The following NUBPL variants were observed in gnomAD, a reference collection of about 807,000 sequenced individuals.
NUBPL encodes NUBP iron-sulfur cluster assembly factor, mitochondrial.
A neutral mutation model predicts 45.7 loss-of-function variants in NUBPL; 31 were observed. The ratio of observed to expected loss-of-function variants is 0.68; its 90% confidence interval spans 0.51 to 0.92. The LOEUF (loss-of-function observed/expected upper bound fraction) is 0.92, where lower values mean the gene tolerates loss of function less well. NUBPL is among the 40% of genes least tolerant of loss of function. NUBPL has a pLI of 0.00. For synonymous variants in NUBPL, 144 were observed against 140.9 expected (o/e 1.02, Z -0.15); for missense variants, 401 against 398.7 (o/e 1.01, Z -0.05).
chr14:31,760,773 T>C (rs1392911544), intron 6 of NUBPL, among the ~76,000 whole-genome samples: 1 of 148,062 alleles, frequency 6.8e-6, no homozygotes, highest in Non-Finnish European at 1.5e-5. Context: ...GATTAAAAAA[T>C]TACAGTTTAC....
At chr14:31,813,660 A>G (rs1417508272) in intron 7 of NUBPL, among the ~76,000 whole-genome samples, 1 of 151,998 alleles carries the variant, frequency 6.6e-6, no homozygotes, top group Non-Finnish European at 1.5e-5. Flanking sequence ...TACATTAGGT[A>G]TTTCTCCTAA....
At chr14:31,777,162 G>A (rs557888834) in intron 6 of NUBPL, among the ~76,000 whole-genome samples, 2 of 152,276 alleles carry the variant, frequency 1.3e-5, no homozygotes, top group Admixed American at 6.5e-5. Context: ...TGTATAACTT[G>A]TAGTCAGCAA....
intron 6 of NUBPL, among the ~76,000 whole-genome samples, chr14:31,688,716 G>T (rs7146010): frequency 0.23 from 33,891 of 144,840 alleles, 8,485 homozygotes; most frequent in African/African-American, 0.65. Flanking sequence ...TGTTATATAG[G>T]TAAACTCATT....
chr14:31,593,906 GA>G (rs1033923268), intron 3 of NUBPL, among the ~76,000 whole-genome samples: 1 of 152,148 alleles, frequency 6.6e-6, no homozygotes, highest in Non-Finnish European at 1.5e-5. Context: ...GAATAGATTA[GA>G]AAAGGGGAGA....
intron 6 of NUBPL, among the ~76,000 whole-genome samples, chr14:31,763,674 A>C (rs944532792): frequency 2.0e-5 from 3 of 152,198 alleles, no homozygotes; most frequent in African/African-American, 7.2e-5. Context: ...TTGTTTTCTG[A>C]TGAAAAGTAG....
rs538184344 is a variant in NUBPL at position 31,561,455 on chromosome 14, C to T, written c.16C>T (p.Arg6Cys). 12 of 1,417,732 alleles carry T rather than the reference C, an allele frequency of 8.5e-6. No homozygotes were observed. In the Admixed American group the frequency reaches 2.6e-4, roughly 30 times the overall value. The allele number at this position is 1,417,732 out of a possible 1,614,324, so 87.8% of individuals were successfully genotyped here. The change falls in exon 1 of 11, where the codon CGT (arginine) becomes TGT (cysteine). Residue 6 changes from arginine to cysteine, a missense_variant. By Grantham distance (180) the Arg-to-Cys change is radical (BLOSUM62 -3). Transcript: ENST00000281081. MGIWQ[R>C]LLLFGGVSLR... is the part of the protein sequence containing the mutation. ...GTTCCGCGTCATGGGGATTTGGCAG[C>T]GTCTGCTGCTTTTTGGTGGGGTGTC...
intron 3 of NUBPL, among the ~76,000 whole-genome samples, chr14:31,591,363 T>C (rs545058228): frequency 2.2e-4 from 34 of 152,238 alleles, no homozygotes; most frequent in African/African-American, 7.9e-4. Context: ...GGTTTCACCA[T>C]GTTGGCCAGG....
chr14:31,846,271 G>A (rs187745963), intron 8 of NUBPL, 200 bp from the exon 9 acceptor site: 2 of 545,214 alleles, frequency 3.7e-6, no homozygotes, highest in Non-Finnish European at 6.6e-6. Context: ...CATTTATTAT[G>A]ATATCAAAGG....
At chr14:31,676,834 A>G (rs1282483308) in intron 6 of NUBPL, among the ~76,000 whole-genome samples, 2 of 151,646 alleles carry the variant, frequency 1.3e-5, no homozygotes, top group East Asian at 3.8e-4. Context: ...CCATGAGTCC[A>G]TTGTCAGGTA....
chr14:31,588,433 T>G lies in NUBPL; in HGVS notation c.292-10856T>G, dbSNP rs146887422. Among the ~76,000 whole-genome samples the G allele has an allele frequency of 2.1e-3, 322 of 151,886 alleles. 1 individual carries two copies. Among genetic ancestry groups the G allele is most frequent in the Middle Eastern group, 0.014 (4 of 294 alleles). ...TCTCTCTCTCTTTTTTTTTTGGTCT[T>G]AAAATGTCTTTATTGTATTTTAAAA... On this transcript the variant is annotated intron_variant, in intron 3 of 10. Coordinates refer to ENST00000281081, the MANE Select transcript of NUBPL (RefSeq NM_025152.3).
chr14:31,835,805 A>T (rs2040272669), intron 8 of NUBPL, among the ~76,000 whole-genome samples: 1 of 152,070 alleles, frequency 6.6e-6, no homozygotes. Context: ...TTCAAGGAGT[A>T]TACCAAAAAC....
At position 31,780,602 on chromosome 14, in the gene NUBPL, A is replaced by G. The variant is rs559131934; in HGVS notation, c.514-7178A>G. Reference sequence around the variant, plus strand: ...CAATTAAGTTATGACTTAACGATTAAGACTTAAAAATAAAGTCTTAACAAT... The same window carrying G: ...CAATTAAGTTATGACTTAACGATTAGGACTTAAAAATAAAGTCTTAACAAT... On this transcript the variant is annotated intron_variant, in intron 6 of 10. Transcript: ENST00000281081. 8.5e-5 allele frequency among the ~76,000 whole-genome samples: 13 copies of G among 152,334 alleles called. No homozygotes were observed. The South Asian group carries it at 2.7e-3, about 32-fold the overall frequency.
chr14:31,561,938 A>G (rs761183827), intron 1 of NUBPL, 130 bp from the exon 2 acceptor site: 11 of 858,736 alleles, frequency 1.3e-5, no homozygotes, highest in Non-Finnish European at 1.7e-5. Flanking sequence ...AAATGTCTCC[A>G]TAGTGAAGAT....
At chr14:31,690,665 T>C (rs2037073229) in intron 6 of NUBPL, among the ~76,000 whole-genome samples, 1 of 152,206 alleles carries the variant, frequency 6.6e-6, no homozygotes, top group African/African-American at 2.4e-5. Flanking sequence ...GGAGAAAAGC[T>C]GTGTCCAAAT....
intron 6 of NUBPL, among the ~76,000 whole-genome samples, chr14:31,728,954 C>G (rs2037985677): frequency 6.6e-6 from 1 of 152,034 alleles, no homozygotes; most frequent in Non-Finnish European, 1.5e-5. Context: ...GTTTAAGCAC[C>G]TGAAATTGAA....
chr14:31,770,862 G>A (rs568473025), intron 6 of NUBPL, among the ~76,000 whole-genome samples: 8 of 152,132 alleles, frequency 5.3e-5, no homozygotes, highest in South Asian at 2.1e-4. Flanking sequence ...TTGCCAAGGC[G>A]GTTTCAGTAC....
chr14:31,691,716 A>G (rs1317269727), intron 6 of NUBPL, among the ~76,000 whole-genome samples: 1 of 152,204 alleles, frequency 6.6e-6, no homozygotes, highest in African/African-American at 2.4e-5. Flanking sequence ...GGCGAACATT[A>G]GAGTAGGAGG....
chr14:31,756,989 A>G (rs2038681067), intron 6 of NUBPL, among the ~76,000 whole-genome samples: 1 of 151,648 alleles, frequency 6.6e-6, no homozygotes, highest in Non-Finnish European at 1.5e-5. Context: ...TTCTGTTTAT[A>G]TGCTGGATTA....
At chr14:31,690,739 G>A (rs898378531) in intron 6 of NUBPL, among the ~76,000 whole-genome samples, 1 of 152,150 alleles carries the variant, frequency 6.6e-6, no homozygotes, top group African/African-American at 2.4e-5. Flanking sequence ...AGAGATTGTG[G>A]ATATGGCATA....
Sources: gnomAD v4.1 joint callset for allele counts (sites outside exome capture counted in the v4.1 genomes callset) on GRCh38, gnomAD v4.1.1 for gene constraint, MANE v1.5 for transcripts, NCBI Gene and HGNC (gene_info 2026-07-23, HGNC 2026-07-21) for gene names.